PHF21A: variants seen among roughly 807,000 people sequenced by gnomAD.
PHF21A encodes the protein BHC80a.
PHF21A carries 11 observed loss-of-function variants against 82.5 expected under a neutral mutation model. The ratio of observed to expected loss-of-function variants is 0.13; its 90% CI spans 0.08 to 0.22. The LOEUF (loss-of-function observed/expected upper bound fraction) is 0.22. Ranked by LOEUF, PHF21A falls within the 10% of genes least tolerant of loss-of-function variation. PHF21A has a pLI of 1.00. For synonymous variants in PHF21A, 297 were observed against 302.8 expected (o/e 0.98, Z 0.20); for missense variants, 579 against 837.8 (o/e 0.69, Z 3.81).
At chr11:46,087,957 A>T (rs1002477231) in intron 3 of PHF21A, among the ~76,000 whole-genome samples, 3 of 151,988 alleles carry the variant, frequency 2.0e-5, no homozygotes, top group Non-Finnish European at 2.9e-5. Context: ...GGGTTTCGCC[A>T]TGTTGCCTAG....
At chr11:45,970,832 CA>C (rs1488339836) in intron 8 of PHF21A, 3 of 364,000 alleles carry the variant, frequency 8.2e-6, no homozygotes, top group Non-Finnish European at 1.0e-5. Context: ...ATAAATGAAA[CA>C]GTGTGTATGC....
chr11:45,988,849 C>A (rs1449247444), intron 6 of PHF21A, among the ~76,000 whole-genome samples: 1 of 152,162 alleles, frequency 6.6e-6, no homozygotes, highest in East Asian at 1.9e-4. Context: ...CATGATCCTG[C>A]CATTGTACTT....
At chr11:45,971,516 G>T in intron 7 of PHF21A, 149 bp from the exon 8 acceptor site, 1 of 755,404 alleles carries the variant, frequency 1.3e-6, no homozygotes, top group Non-Finnish European at 2.1e-6. Context: ...CATTTCTTTT[G>T]TGTACATACA....
At chr11:46,022,560 C>T (rs895629224) in intron 6 of PHF21A, among the ~76,000 whole-genome samples, 8 of 152,322 alleles carry the variant, frequency 5.3e-5, no homozygotes, top group Admixed American at 1.3e-4. Context: ...CTCCTGGGCT[C>T]AAGCAATCCT....
chr11:46,044,363 A>C (rs1186043269), intron 6 of PHF21A, among the ~76,000 whole-genome samples: 1 of 152,106 alleles, frequency 6.6e-6, no homozygotes, highest in African/African-American at 2.4e-5. Flanking sequence ...GGGTCAGCTG[A>C]CCTACTCAAA....
At chr11:45,958,396 C>CAAAAAA (rs1159762183) in intron 10 of PHF21A, among the ~76,000 whole-genome samples, 188 of 1,060 alleles carry the variant, frequency 0.18, 85 homozygotes, top group South Asian at 0.29. Flanking sequence ...AACCTGGTCT[C>CAAAAAA]AAAAAAAAAA....
rs1468084563 is a variant in PHF21A at position 45,971,213 on chromosome 11, T to G, written c.515A>C (p.Asp172Ala). Residue 172 changes from aspartate to alanine, a missense_variant, in exon 8 of 19, where the codon GAT becomes GCT. By Grantham distance (126) the Asp-to-Ala change is moderately radical (BLOSUM62 -2). Around this residue, in one of 3 missense-constraint regions of PHF21A, gnomAD observed 410 missense variants for 642.1 expected, o/e 0.64. Coordinates refer to ENST00000676320, the MANE Select transcript of PHF21A (RefSeq NM_001352027.3). Reference sequence around the variant, plus strand: ...GAGGTTGACTGGTGTGTTCTGCACATCAGTGCTGAGCACAGCCTTCTGACT... The same window carrying G: ...GAGGTTGACTGGTGTGTTCTGCACAGCAGTGCTGAGCACAGCCTTCTGACT... Reference protein sequence around the residue: ...INSQKAVLSTDVQNTPVNLQT... With the variant: ...INSQKAVLSTAVQNTPVNLQT... 6.2e-7 allele frequency: 1 copy of G among 1,614,076 alleles called. No individual in the cohort carries two copies. Among genetic ancestry groups the G allele is most frequent in the Admixed American group, 1.7e-5 (1 of 60,020 alleles).
At chr11:45,941,714 G>A (rs1031978848) in intron 15 of PHF21A, among the ~76,000 whole-genome samples, 2 of 152,220 alleles carry the variant, frequency 1.3e-5, no homozygotes, top group Admixed American at 6.5e-5. Context: ...CTTAGGCTTT[G>A]ATGACTGACC....
intron 6 of PHF21A, among the ~76,000 whole-genome samples, chr11:46,007,548 A>T (rs1451955299): frequency 1.3e-5 from 2 of 152,144 alleles, no homozygotes. Flanking sequence ...TCCTGACCTC[A>T]GGTGATTCGC....
rs2093395578 is a variant in PHF21A, at chr11:45,965,706, A to C, written c.703-98T>G. 5.6e-6 allele frequency: 5 copies of C among 899,552 alleles called. No homozygotes were observed. In the African/African-American group the frequency reaches 6.7e-5, roughly 12 times the overall value. 55.7% of individuals were successfully genotyped at this position (899,552 alleles called of 1,614,324 possible). A position where few individuals can be genotyped will look rare whatever the true frequency, so the allele number is the denominator to read the frequency against. Reference sequence around the variant, plus strand: ...CTCTATGTATGAAATGGTGTTTAATACACTTATTAATGTTCATTTTGGTAC... The same window carrying C: ...CTCTATGTATGAAATGGTGTTTAATCCACTTATTAATGTTCATTTTGGTAC... On this transcript the variant is annotated intron_variant, in intron 9 of 18. Coordinates refer to ENST00000676320, the MANE Select transcript of PHF21A (RefSeq NM_001352027.3).
At chr11:46,087,531 A>G (rs867633408) in intron 3 of PHF21A, among the ~76,000 whole-genome samples, 4 of 150,498 alleles carry the variant, frequency 2.7e-5, no homozygotes, top group Non-Finnish European at 4.4e-5. Context: ...AAGGATTAGA[A>G]GATTCATTTG....
rs1565792247 is a variant in PHF21A at position 46,061,443 on chromosome 11, T to C, written c.153+15311A>G. Among the ~76,000 whole-genome samples the C allele has an allele frequency of 2.0e-5, 3 of 152,210 alleles. 1 individual carries two copies. Among genetic ancestry groups the C allele is most frequent in the Admixed American group, 2.0e-4 (3 of 15,276 alleles). On this transcript the variant is annotated intron_variant, in intron 6 of 18. Coordinates refer to ENST00000676320, the MANE Select transcript of PHF21A (RefSeq NM_001352027.3). Reference sequence around the variant, plus strand: ...ATTAAACCCATATTTAAGGCTTGTATTATTATATAAATAACATTAATTAAT... The same window carrying C: ...ATTAAACCCATATTTAAGGCTTGTACTATTATATAAATAACATTAATTAAT...
intron 6 of PHF21A, among the ~76,000 whole-genome samples, chr11:46,007,537 C>T (rs904470730): frequency 5.9e-5 from 9 of 152,172 alleles, no homozygotes; most frequent in African/African-American, 2.2e-4. Flanking sequence ...TGGTCTCGAA[C>T]TCCTGACCTC....
intron 6 of PHF21A, among the ~76,000 whole-genome samples, chr11:45,987,573 AT>A (rs2094537219): frequency 7.3e-6 from 1 of 137,008 alleles, no homozygotes; most frequent in African/African-American, 2.6e-5. Flanking sequence ...AGGCAGGAGA[AT>A]TGCTTTAACC....
intron 9 of PHF21A, among the ~76,000 whole-genome samples, chr11:45,966,788 T>A (rs749332340): frequency 7.9e-5 from 12 of 152,130 alleles, no homozygotes; most frequent in Admixed American, 2.0e-4. Context: ...CCCAGCTAAT[T>A]TTGTATTTTT....
intron 6 of PHF21A, among the ~76,000 whole-genome samples, chr11:46,043,941 A>T (rs141969672): frequency 5.4e-4 from 82 of 152,332 alleles, no homozygotes; most frequent in African/African-American, 1.7e-3. Flanking sequence ...TTATATACTT[A>T]ATGATTTATA....
chr11:45,955,910 AG>A (rs1234878186), intron 10 of PHF21A, among the ~76,000 whole-genome samples: 2 of 152,254 alleles, frequency 1.3e-5, no homozygotes, highest in Non-Finnish European at 2.9e-5. Flanking sequence ...ATTAAGCTGT[AG>A]CACAGCCTTA....
chr11:45,935,264 A>G, intron 18 of PHF21A: 1 of 1,304,444 alleles, frequency 7.7e-7, no homozygotes, highest in African/African-American at 1.5e-5. Flanking sequence ...GAATCACACG[A>G]GGGGACCTGG....
chr11:46,028,998 A>G (rs1191778868), intron 6 of PHF21A, among the ~76,000 whole-genome samples: 6 of 152,248 alleles, frequency 3.9e-5, no homozygotes. Flanking sequence ...TATTGGATCT[A>G]CAAATTGTAC....
Sources: allele counts gnomAD v4.1 joint callset (sites outside exome capture counted in the v4.1 genomes callset), GRCh38; gene constraint gnomAD v4.1.1; regional missense constraint gnomAD v4.1.1; transcripts MANE v1.5; gene names NCBI Gene and HGNC (gene_info 2026-07-23, HGNC 2026-07-21).